The following SYNM variants were observed in gnomAD, a reference collection of about 807,000 sequenced individuals.
The protein encoded by SYNM is synemin, also known as desmuslin.
In SYNM, 95 loss-of-function variants were observed where a neutral mutation model predicts 104.0. The ratio of observed to expected loss-of-function variants is 0.91; its 90% CI spans 0.77 to 1.08. The LOEUF is 1.08. Among genes scored for constraint, SYNM ranks in the 50% least tolerant of loss-of-function variants. The pLI is 0.00. For synonymous variants in SYNM, 918 were observed against 869.0 expected (o/e 1.06, Z -0.99); for missense variants, 2,150 against 2,052.2 (o/e 1.05, Z -0.92).
chr15:99,141,492 CTGAA>C, the SYNM span, among the ~76,000 whole-genome samples: 9 of 152,214 alleles, frequency 5.9e-5, no homozygotes, highest in Middle Eastern at 6.8e-3. Context: ...ATTTCTTATA[CTGAA>C]TGGTGAGTTC....
At position 99,132,590 on chromosome 15, in the gene SYNM, A is replaced by G; in HGVS notation, c.4230A>G (p.Glu1410=). 3 of 1,614,012 alleles carry G rather than the reference A, an allele frequency of 1.9e-6. No homozygotes were observed. In the African/African-American group the frequency reaches 4.0e-5, roughly 22 times the overall value. The change falls in exon 4 of 4, where the codon GAA becomes GAG. Residue 1410 remains glutamate, a synonymous_variant. Transcript: ENST00000336292. The part of the protein sequence containing the change: ...SFRHIRLGPT[E]TETSEHIAIR... ...GGCACATTCGACTAGGTCCTACAGA[A>G]ACGGAAACCTCTGAACACATTGCCA...
chr15:99,105,676 C>T lies in SYNM; in HGVS notation c.477C>T (p.Ala159=), dbSNP rs1219971275. 8 of 1,456,022 alleles carry T rather than the reference C, an allele frequency of 5.5e-6. No homozygotes were observed. In the African/African-American group the frequency reaches 9.0e-5, roughly 16 times the overall value. 90.2% of individuals were successfully genotyped at this position (1,456,022 alleles called of 1,614,324 possible). A position where few individuals can be genotyped will look rare whatever the true frequency, so the allele number is the denominator to read the frequency against. ...ERDVRELRAR[A]ASLTMHFRAR... ...ACGTGAGGGAGCTGCGCGCGCGCGC[C>T]GCCAGCCTTACCATGCATTTCCGCG... Residue 159 remains alanine (A), a synonymous_variant, in exon 1 of 4, where the codon GCC becomes GCT. Transcript: ENST00000336292.
Position 99,111,100 on chromosome 15 carries a change from C to T in SYNM, c.811-2491C>T, listed in dbSNP as rs192433976. Among the ~76,000 whole-genome samples the T allele has an allele frequency of 5.5e-3, 839 of 152,310 alleles. 6 individuals carry two copies. The highest frequency in any genetic ancestry group is 7.2e-3 in the Non-Finnish European group (493 of 68,032). Reference sequence around the variant, plus strand: ...TCCAACTTCAACACAGTTTGATTTTCCTCTTTGTATTTTGTGGGTGCAGAA... The same window carrying T: ...TCCAACTTCAACACAGTTTGATTTTTCTCTTTGTATTTTGTGGGTGCAGAA... On this transcript the variant is annotated intron_variant, in intron 1 of 3. Coordinates refer to ENST00000336292, the MANE Select transcript of SYNM (RefSeq NM_145728.3).
Position 99,130,379 on chromosome 15 carries a change from G to C in SYNM, c.2019G>C (p.Arg673Ser). 6.2e-7 allele frequency: 1 copy of C among 1,613,714 alleles called. No individual in the cohort carries two copies. The change falls in exon 4 of 4, where the codon AGG becomes AGC. Residue 673 changes from arginine to serine, a missense_variant. By Grantham distance (110) the Arg-to-Ser change is moderately radical (BLOSUM62 -1). Transcript: ENST00000336292. ...ACACAAAAGTCACTTACGTGGACAG[G>C]AAAGAGCTTCCTGGGGAAAGGAAAA... is the stretch of plus-strand genomic sequence containing the variant. Reference protein sequence around the residue: ...FPDTKVTYVDRKELPGERKTK... With the variant: ...FPDTKVTYVDSKELPGERKTK...
intron 2 of SYNM, among the ~76,000 whole-genome samples, chr15:99,117,969 G>C (rs2067365182): frequency 6.6e-6 from 1 of 152,240 alleles, no homozygotes; most frequent in Admixed American, 6.5e-5. Flanking sequence ...TTTCAGGGGA[G>C]CAAGCGATGG....
rs1407624069 is a variant in SYNM, at chr15:99,132,732, A to G, written c.4372A>G (p.Thr1458Ala). The change falls in exon 4 of 4, where the codon ACT (threonine) becomes GCT (alanine). Residue 1458 changes from threonine to alanine, a missense_variant. Coordinates refer to ENST00000336292, the MANE Select transcript of SYNM (RefSeq NM_145728.3). ...GCACATTGCACCAGGGCCCAAAGAAACTTCGTTTACCTTTCAGATGGATGT... is the reference window on the plus strand; with the variant it reads ...GCACATTGCACCAGGGCCCAAAGAAGCTTCGTTTACCTTTCAGATGGATGT... Reference protein sequence around the residue: ...LRHIAPGPKETSFTFQMDVSN... With the variant: ...LRHIAPGPKEASFTFQMDVSN... The G allele has an allele frequency of 3.1e-6, 5 of 1,613,702 alleles. No individual in the cohort carries two copies. Among genetic ancestry groups the G allele is most frequent in the Non-Finnish European group, 4.2e-6 (5 of 1,179,854 alleles).
chr15:99,132,244 C>G lies in SYNM; in HGVS notation c.3884C>G (p.Ser1295Cys). The G allele has an allele frequency of 6.2e-7, 1 of 1,610,236 alleles. No homozygotes were observed. Among genetic ancestry groups the G allele is most frequent in the Non-Finnish European group, 8.5e-7 (1 of 1,177,370 alleles). The change falls in exon 4 of 4, where the codon TCT (serine) becomes TGT (cysteine). Residue 1295 changes from serine (S) to cysteine (C), a missense_variant. Coordinates refer to ENST00000336292, the MANE Select transcript of SYNM (RefSeq NM_145728.3). ...GTGGAGTTGGGTGTCATAGGAGATT[C>G]TGTACACATGGAAGGGTTGCCAGGG... ...DKVELGVIGD[S>C]VHMEGLPGSS...
rs2067506322 is a variant in SYNM at position 99,131,477 on chromosome 15, G to A, written c.3117G>A (p.Leu1039=). Residue 1039 remains leucine (L), a synonymous_variant, in exon 4 of 4, where the codon CTG becomes CTA. Coordinates refer to ENST00000336292, the MANE Select transcript of SYNM (RefSeq NM_145728.3). The surrounding 1 kb of genome is among the most constrained non-coding windows in gnomAD (Gnocchi z 4.3). ...KAVESVVRES[L]SRQRSPAPGS... ...TGGAGTCGGTGGTTCGGGAGAGCCT[G>A]AGCAGGCAACGCAGCCCAGCGCCTG... 3 of 1,606,276 alleles carry A rather than the reference G, an allele frequency of 1.9e-6. No individual in the cohort carries two copies. The highest frequency in any genetic ancestry group is 1.7e-5 in the Admixed American group (1 of 59,760).
rs572214806 is a variant in SYNM, at chr15:99,126,575, G to A, written c.936-147G>A. The A allele has an allele frequency of 4.0e-4, 324 of 816,990 alleles. No homozygotes were observed. The African/African-American group carries it at 4.9e-3, about 12-fold the overall frequency. The allele number at this position is 816,990 out of a possible 1,614,324, so 50.6% of individuals were successfully genotyped here. ...TGGGTGGGCTTGCCAGCCCTATGGT[G>A]CAGCCCTGCCCAAGTCTCCTCTTCA... On this transcript the variant is annotated intron_variant, in intron 2 of 3. Transcript: ENST00000336292.
rs2067495697 is a variant in SYNM at position 99,130,859 on chromosome 15, C to T, written c.2499C>T (p.Ser833=). ...AGGGCGAGCAGAGTTATTTTGTGTCCACTCCAGATGAACACCCCGGGGGGC... is the reference window on the plus strand; with the variant it reads ...AGGGCGAGCAGAGTTATTTTGTGTCTACTCCAGATGAACACCCCGGGGGGC... ...DSEGEQSYFV[S]TPDEHPGGHD... is the part of the protein sequence containing the mutation. Residue 833 remains serine, a synonymous_variant, in exon 4 of 4, where the codon TCC becomes TCT. Transcript: ENST00000336292. 5 of 1,613,938 alleles carry T rather than the reference C, an allele frequency of 3.1e-6. No homozygotes were observed. The highest frequency in any genetic ancestry group is 1.3e-5 in the African/African-American group (1 of 75,016).
At chr15:99,106,080 G>A (rs1224932101) in intron 1 of SYNM, 71 bp downstream of exon 1, 3 of 1,332,452 alleles carry the variant, frequency 2.3e-6, no homozygotes, top group Non-Finnish European at 2.9e-6. Flanking sequence ...CCTTGACGGC[G>A]TGGGGCAGCG....
At chr15:99,138,002 TG>T, downstream of SYNM, 1 of 1,613,956 alleles carries the variant, frequency 6.2e-7, no homozygotes, top group Non-Finnish European at 8.5e-7. Context: ...TTTTTCAGGG[TG>T]GGGGCCTCAG....
At chr15:99,139,959 G>A, downstream of SYNM, 1 of 288,400 alleles carries the variant, frequency 3.5e-6, no homozygotes, top group Non-Finnish European at 6.7e-6. Context: ...TAGTAGGCTA[G>A]GGCAAATCAA....
chr15:99,130,677 G>T lies in SYNM; in HGVS notation c.2317G>T (p.Val773Phe). 6.2e-7 allele frequency: 1 copy of T among 1,613,928 alleles called. No homozygotes were observed. The highest frequency in any genetic ancestry group is 1.1e-5 in the South Asian group (1 of 91,062). The change falls in exon 4 of 4, where the codon GTC (valine) becomes TTC (phenylalanine). Residue 773 changes from valine (V) to phenylalanine (F), a missense_variant. By Grantham distance (50) the Val-to-Phe change is conservative. Transcript: ENST00000336292. Reference sequence around the variant, plus strand: ...TTCCGTCCCATTCAAAGTGGAGGAGGTCGAAGATGTGTCGCCAGGCCCCTG... The same window carrying T: ...TTCCGTCCCATTCAAAGTGGAGGAGTTCGAAGATGTGTCGCCAGGCCCCTG... ...EFSVPFKVEEVEDVSPGPWGL... is the reference protein window; with the variant it reads ...EFSVPFKVEEFEDVSPGPWGL...
rs781872101 is a variant in SYNM at position 99,130,967 on chromosome 15, C to T, written c.2607C>T (p.Ile869=). Residue 869 remains isoleucine (I), a synonymous_variant, in exon 4 of 4, where the codon ATC becomes ATT. Coordinates refer to ENST00000336292, the MANE Select transcript of SYNM (RefSeq NM_145728.3). ...STIRYSWQDE[I]VQGTRRRTQK... is the part of the protein sequence containing the mutation. Reference sequence around the variant, plus strand: ...TCAGGTACTCTTGGCAGGATGAAATCGTGCAGGGGACTCGAAGGAGGACAC... The same window carrying T: ...TCAGGTACTCTTGGCAGGATGAAATTGTGCAGGGGACTCGAAGGAGGACAC... 1.4e-5 allele frequency: 22 copies of T among 1,613,604 alleles called. No homozygotes were observed. The highest frequency in any genetic ancestry group is 2.7e-5 in the African/African-American group (2 of 74,824).
In SYNM at chr15:99,105,802, G is replaced by A. The variant is rs1555482602; in HGVS notation, c.603G>A (p.Leu201=). 6.5e-7 allele frequency: 1 copy of A among 1,542,704 alleles called. No individual in the cohort carries two copies. The highest frequency in any genetic ancestry group is 2.0e-5 in the Admixed American group (1 of 50,814). Residue 201 remains leucine (L), a synonymous_variant, in exon 1 of 4, where the codon CTG becomes CTA. Transcript: ENST00000336292. ...VAESWRETVQ[L]YEDEVRELEE... is the part of the protein sequence containing the mutation. The stretch of plus-strand genomic sequence containing the variant: ...AGTCGTGGCGGGAGACGGTGCAGCT[G>A]TACGAGGACGAGGTGCGCGAGCTGG...
intron 3 of SYNM, among the ~76,000 whole-genome samples, chr15:99,127,876 A>G (rs1555485194): frequency 6.6e-6 from 1 of 152,112 alleles, no homozygotes; most frequent in Non-Finnish European, 1.5e-5. Context: ...GAAGGAAGAA[A>G]AGGGCCCAGG....
rs550045107 is a variant in SYNM at position 99,133,417 on chromosome 15, G to C, written c.*359G>C. 3.6e-4 allele frequency: 80 copies of C among 222,484 alleles called. 2 individuals are homozygous for C. The South Asian group carries it at 6.2e-3, about 17-fold the overall frequency. 13.8% of individuals were successfully genotyped at this position (222,484 alleles called of 1,614,324 possible). A position where few individuals can be genotyped will look rare whatever the true frequency, so the allele number is the denominator to read the frequency against. ...ATTATAGATGTCAAAACATTAACCA[G>C]ATTAAAGTAATATATTTAAGAGTAA... On this transcript the variant is annotated 3_prime_UTR_variant, in exon 4 of 4. Coordinates refer to ENST00000336292, the MANE Select transcript of SYNM (RefSeq NM_145728.3).
At position 99,131,699 on chromosome 15, in the gene SYNM, G is replaced by C. The variant is rs200087412; in HGVS notation, c.3339G>C (p.Gln1113His). 32 of 1,613,476 alleles carry C rather than the reference G, an allele frequency of 2.0e-5. No homozygotes were observed. The African/African-American group carries it at 3.6e-4, about 18-fold the overall frequency. Residue 1113 changes from glutamine to histidine, a missense_variant, in exon 4 of 4, where the codon CAG (glutamine) becomes CAC (histidine). Transcript: ENST00000336292. This position sits in a 1 kb window ranked among gnomAD's most constrained non-coding sequence, Gnocchi z 4.3. The part of the protein sequence containing the change: ...VEVSSPTGFA[Q>H]SQVLEDVSQA... ...TCAGCAGCCCCACAGGCTTTGCCCA[G>C]TCACAGGTGCTGGAGGATGTGAGCC...
Sources: allele counts gnomAD v4.1 joint callset (sites outside exome capture counted in the v4.1 genomes callset), GRCh38; gene constraint gnomAD v4.1.1; non-coding constraint Gnocchi (gnomAD v3.1); transcripts MANE v1.5; gene names NCBI Gene and HGNC (gene_info 2026-07-23, HGNC 2026-07-21).